MMP16: variants seen among roughly 807,000 people sequenced by gnomAD.
The protein encoded by MMP16 is matrix metalloproteinase-16.
A neutral mutation model predicts 67.8 loss-of-function variants in MMP16; 12 were observed. The ratio of observed to expected loss-of-function variants is 0.18; its 90% CI spans 0.11 to 0.29. MMP16 has a LOEUF of 0.29. Ranked by LOEUF, MMP16 falls within the 10% of genes least tolerant of loss-of-function variation. The pLI, the probability that MMP16 is intolerant of heterozygous loss-of-function variation, is 1.00. For missense variants in MMP16, 475 were observed against 765.7 expected, an observed-to-expected ratio of 0.62 and a Z score of 4.48; for synonymous variants, 249 against 255.9, an observed-to-expected ratio of 0.97 and a Z score of 0.26.
At chr8:88,193,138 A>G (rs1424449323) in intron 2 of MMP16, among the ~76,000 whole-genome samples, 3 of 152,198 alleles carry the variant, frequency 2.0e-5, no homozygotes, top group Non-Finnish European at 4.4e-5. Flanking sequence ...ACAACAGCTA[A>G]GATATGGAAT....
intron 1 of MMP16, among the ~76,000 whole-genome samples, chr8:88,267,465 C>T (rs955117062): frequency 1.3e-5 from 2 of 152,324 alleles, no homozygotes; most frequent in African/African-American, 2.4e-5. Flanking sequence ...TATTAATGTG[C>T]CTGCCTCCTC....
intron 7 of MMP16, among the ~76,000 whole-genome samples, chr8:88,070,435 C>T (rs1226671983): frequency 6.6e-6 from 1 of 152,114 alleles, no homozygotes; most frequent in Admixed American, 6.6e-5. Context: ...TACTATGGCC[C>T]TCCGTGAGTG....
rs555482748 is a variant in MMP16 at position 88,146,500 on chromosome 8, G to A, written c.709+21169C>T. Among the ~76,000 whole-genome samples the A allele has an allele frequency of 6.3e-3, 950 of 151,804 alleles. 2 individuals carry two copies. The highest frequency in any genetic ancestry group is 0.011 in the Non-Finnish European group (713 of 67,790). Reference sequence around the variant, plus strand: ...CACATGGAACATATATTTTGTTTTTGAACCTTAGAAAAAATGTCATCATAT... The same window carrying A: ...CACATGGAACATATATTTTGTTTTTAAACCTTAGAAAAAATGTCATCATAT... On this transcript the variant is annotated intron_variant, in intron 4 of 9. Transcript: ENST00000286614.
At chr8:88,047,776 A>C (rs1381910180) in intron 8 of MMP16, among the ~76,000 whole-genome samples, 1 of 152,206 alleles carries the variant, frequency 6.6e-6, no homozygotes, top group Admixed American at 6.5e-5. Context: ...ATATATTTTG[A>C]ACAGAGAAGC....
chr8:88,053,046 G>GT (rs1808289633), intron 8 of MMP16, among the ~76,000 whole-genome samples: 1 of 152,190 alleles, frequency 6.6e-6, no homozygotes, highest in African/African-American at 2.4e-5. Context: ...CCTAGCACAT[G>GT]TCACATACTT....
chr8:88,222,704 T>C (rs1275724034), intron 1 of MMP16, among the ~76,000 whole-genome samples: 1 of 152,106 alleles, frequency 6.6e-6, no homozygotes, highest in Non-Finnish European at 1.5e-5. Flanking sequence ...TCAAGATGGA[T>C]TAAAGACTTA....
intron 4 of MMP16, among the ~76,000 whole-genome samples, chr8:88,139,162 C>T (rs1196971081): frequency 6.6e-6 from 1 of 152,018 alleles, no homozygotes; most frequent in Non-Finnish European, 1.5e-5. Context: ...AGAAAAATTA[C>T]TACACATTCT....
chr8:88,088,352 A>AG (rs1248384952), intron 6 of MMP16, among the ~76,000 whole-genome samples: 1 of 151,906 alleles, frequency 6.6e-6, no homozygotes, highest in East Asian at 2.0e-4. Flanking sequence ...GGAAGCAGGC[A>AG]GGGGGGTTTG....
intron 1 of MMP16, among the ~76,000 whole-genome samples, chr8:88,222,221 A>C (rs1484546092): frequency 3.3e-5 from 5 of 152,028 alleles, no homozygotes. Flanking sequence ...AAAATACTAT[A>C]AATAGCAACC....
chr8:88,186,396 C>T, intron 3 of MMP16, 80 bp downstream of exon 3: 2 of 1,549,596 alleles, frequency 1.3e-6, no homozygotes, highest in South Asian at 1.1e-5. Context: ...AGTCAACGTG[C>T]AGAAGATACT....
At position 88,078,253 on chromosome 8, in the gene MMP16, C is replaced by T. The variant is rs938244799; in HGVS notation, c.1084-3510G>A. Among the ~76,000 whole-genome samples, 152 of 152,102 alleles carry T rather than the reference C, an allele frequency of 1.0e-3. 3 individuals are homozygous for T. The highest frequency in any genetic ancestry group is 1.0e-4 in the Non-Finnish European group (7 of 68,016). On this transcript the variant is annotated intron_variant, in intron 6 of 9. Coordinates refer to ENST00000286614, the MANE Select transcript of MMP16 (RefSeq NM_005941.5). ...ACTTATACATTACCAAACTGGAATT[C>T]CTACTTAAACACCAATATTTCACTT...
chr8:88,154,597 C>A (rs1227034319), intron 4 of MMP16, among the ~76,000 whole-genome samples: 1 of 151,604 alleles, frequency 6.6e-6, no homozygotes, highest in Non-Finnish European at 1.5e-5. Flanking sequence ...AATCATCATT[C>A]TCAGTTAACT....
intron 6 of MMP16, among the ~76,000 whole-genome samples, chr8:88,084,502 C>A (rs1808801724): frequency 6.6e-6 from 1 of 151,688 alleles, no homozygotes. Context: ...AAAAAAGAGC[C>A]CAATAAAAGA....
chr8:88,146,420 C>T (rs1808290528), intron 4 of MMP16, among the ~76,000 whole-genome samples: 1 of 151,932 alleles, frequency 6.6e-6, no homozygotes, highest in South Asian at 2.1e-4. Context: ...AATCACTATC[C>T]CAAAATTTGT....
At chr8:88,130,118 T>C (rs900973970) in intron 4 of MMP16, among the ~76,000 whole-genome samples, 4 of 151,830 alleles carry the variant, frequency 2.6e-5, no homozygotes, top group Non-Finnish European at 5.9e-5. Context: ...GTAATACATG[T>C]AAAGTTTGGC....
intron 1 of MMP16, among the ~76,000 whole-genome samples, chr8:88,260,810 T>G (rs532321093): frequency 6.6e-6 from 1 of 152,296 alleles, no homozygotes; most frequent in South Asian, 2.1e-4. Context: ...ATGAATTGTG[T>G]TATGTTTCCC....
At chr8:88,120,855 A>G (rs1363716683) in intron 4 of MMP16, among the ~76,000 whole-genome samples, 1 of 151,954 alleles carries the variant, frequency 6.6e-6, no homozygotes, top group Non-Finnish European at 1.5e-5. Flanking sequence ...TACAGGGAAA[A>G]AAAAAATTCC....
rs549976198 is a variant in MMP16 at position 88,189,646 on chromosome 8, G to A, written c.282-3048C>T. Among the ~76,000 whole-genome samples, 73 of 152,262 alleles carry A rather than the reference G, an allele frequency of 4.8e-4. 1 individual carries two copies. The South Asian group carries it at 9.9e-3, about 21-fold the overall frequency. On this transcript the variant is annotated intron_variant, in intron 2 of 9. Coordinates refer to ENST00000286614, the MANE Select transcript of MMP16 (RefSeq NM_005941.5). ...AATCTGATTTATGTCTACCTAGTGA[G>A]GGTGTCCCCTGTCCTCCTTCTCAAA...
At chr8:88,095,201 A>G (rs140599863) in intron 6 of MMP16, among the ~76,000 whole-genome samples, 44 of 151,982 alleles carry the variant, frequency 2.9e-4, no homozygotes, top group African/African-American at 9.9e-4. Context: ...CCATCTATCA[A>G]TGTTGCCTTG....
Sources: gnomAD v4.1 joint callset for allele counts (sites outside exome capture counted in the v4.1 genomes callset) on GRCh38, gnomAD v4.1.1 for gene constraint, MANE v1.5 for transcripts, NCBI Gene and HGNC (gene_info 2026-07-23, HGNC 2026-07-21) for gene names.